RASA3: variants seen among roughly 807,000 people sequenced by gnomAD.
RASA3 encodes the protein RAS p21 protein activator 3.
RASA3 carries 73 observed loss-of-function variants against 110.0 expected under a neutral mutation model. The observed-to-expected ratio is 0.66, with a 90% CI of 0.55 to 0.81. RASA3 has a LOEUF of 0.81. Ranked by LOEUF, RASA3 falls within the 30% of genes least tolerant of loss-of-function variation. RASA3 has a pLI of 0.00. For missense variants in RASA3, 976 were observed against 1,113.2 expected (o/e 0.88, Z 1.75); for synonymous variants, 500 against 451.4 (o/e 1.11, Z -1.37).
rs528276358 is a variant in RASA3 at position 113,979,763 on chromosome 13, A to C, written c.2430-341T>G. The stretch of plus-strand genomic sequence containing the variant: ...GCAAAGAGTGTGCTCATGTGTGGGG[A>C]GCATGAGCTCCAGGGACACAGATCT... On this transcript the variant is annotated intron_variant, in intron 23 of 23. Coordinates refer to ENST00000334062, the MANE Select transcript of RASA3 (RefSeq NM_007368.4). Among the ~76,000 whole-genome samples the C allele has an allele frequency of 2.6e-5, 4 of 152,210 alleles. No individual in the cohort carries two copies. In the East Asian group the frequency reaches 7.7e-4, roughly 29 times the overall value.
intron 1 of RASA3, among the ~76,000 whole-genome samples, chr13:114,121,236 G>A: frequency 6.6e-6 from 1 of 152,222 alleles, no homozygotes; most frequent in East Asian, 1.9e-4. Context: ...GGGGCATTCG[G>A]ACCCCCGTGC....
intron 1 of RASA3, among the ~76,000 whole-genome samples, chr13:114,089,927 TTCACTGAACG>T (rs2079870435): frequency 6.6e-6 from 1 of 152,068 alleles, no homozygotes; most frequent in Non-Finnish European, 1.5e-5. Context: ...CCTGGCTGCT[TTCACTGAACG>T]TCCTGTCTTC....
chr13:114,021,226 T>C (rs1242262737), intron 9 of RASA3, among the ~76,000 whole-genome samples, 178 bp downstream of exon 9: 2 of 152,172 alleles, frequency 1.3e-5, no homozygotes, highest in African/African-American at 4.8e-5. Flanking sequence ...TCACCTGCTG[T>C]GGGGCAGAAA....
chr13:114,017,274 T>C lies in RASA3; in HGVS notation c.1169A>G (p.His390Arg), dbSNP rs759066727. 4.3e-6 allele frequency: 7 copies of C among 1,613,816 alleles called. No individual in the cohort carries two copies. Among genetic ancestry groups the C allele is most frequent in the South Asian group, 1.1e-5 (1 of 91,084 alleles). Reference sequence around the variant, plus strand: ...GGGCTTCAGGGTGACATGCAGGTAATGCATCCCCGCCAGCTTCATGGTCTC... The same window carrying C: ...GGGCTTCAGGGTGACATGCAGGTAACGCATCCCCGCCAGCTTCATGGTCTC... ...IDETMKLAGM[H>R]YLHVTLKPAI... Residue 390 changes from histidine to arginine, a missense_variant, in exon 12 of 24, where the codon CAT (histidine) becomes CGT (arginine). By Grantham distance (29) the His-to-Arg change is conservative. This residue lies in a region of RASA3 where 732 missense variants were observed against 779.7 expected (regional missense o/e 0.94). Transcript: ENST00000334062.
In RASA3 at chr13:113,980,427, C is replaced by CCCA. The variant is rs200568319; in HGVS notation, c.2430-1006_2430-1005insTGG. ...ACCTCCTCCCACGTGTTCACCTCCTCCGTGTGTGCACCTCCTGCCATGTGT... is the reference window on the plus strand; with the variant it reads ...ACCTCCTCCCACGTGTTCACCTCCTCCCACGTGTGTGCACCTCCTGCCATGTGT... On this transcript the variant is annotated intron_variant, in intron 23 of 23. Coordinates refer to ENST00000334062, the MANE Select transcript of RASA3 (RefSeq NM_007368.4). 2.1e-3 allele frequency among the ~76,000 whole-genome samples: 307 copies of CCCA among 144,374 alleles called. 4 individuals are homozygous for CCCA. In the South Asian group the frequency reaches 0.04, roughly 19 times the overall value. 94.7% of individuals were successfully genotyped at this position (144,374 alleles called of 152,430 possible). A position where few individuals can be genotyped will look rare whatever the true frequency, so the allele number is the denominator to read the frequency against.
chr13:114,029,631 GT>G (rs34468499), intron 5 of RASA3, among the ~76,000 whole-genome samples, 179 bp downstream of exon 5: 296 of 14,944 alleles, frequency 0.02, 116 homozygotes, highest in Middle Eastern at 0.25. Flanking sequence ...CGTCATCCTG[GT>G]GGGCCAGGAC....
intron 1 of RASA3, among the ~76,000 whole-genome samples, chr13:114,109,686 G>A (rs1171300120): frequency 6.6e-6 from 1 of 152,134 alleles, no homozygotes; most frequent in Non-Finnish European, 1.5e-5. Context: ...TCCTCCTTCT[G>A]CTCCATCCCG....
chr13:114,074,216 C>T (rs1335286447), intron 1 of RASA3, among the ~76,000 whole-genome samples: 6 of 152,338 alleles, frequency 3.9e-5, no homozygotes, highest in Admixed American at 6.5e-5. Flanking sequence ...CCATCACCAC[C>T]GTCCTCTCTG....
Position 114,007,669 on chromosome 13 carries a change from G to A in RASA3, c.1669-63C>T, listed in dbSNP as rs2053547005. ...ACACATCTGACGTGCACGGCTCTCT[G>A]TATAACAACAGCGTCGGCGGCTACT... is the stretch of plus-strand genomic sequence containing the variant. On this transcript the variant is annotated intron_variant, in intron 17 of 23. Coordinates refer to ENST00000334062, the MANE Select transcript of RASA3 (RefSeq NM_007368.4). 2.9e-6 allele frequency: 4 copies of A among 1,365,354 alleles called. No homozygotes were observed. In the African/African-American group the frequency reaches 4.3e-5, roughly 15 times the overall value. The allele number at this position is 1,365,354 out of a possible 1,614,324, so 84.6% of individuals were successfully genotyped here.
In RASA3 at chr13:114,018,906, G is replaced by A; in HGVS notation, c.799C>T (p.Pro267Ser). 1 of 1,613,800 alleles carries A rather than the reference G, an allele frequency of 6.2e-7. No individual in the cohort carries two copies. The highest frequency in any genetic ancestry group is 2.2e-5 in the East Asian group (1 of 44,884). ...AGGCTCTTGCTACCATTGTCCCGGG[G>A]CTGGAGGAAGTACCTGGGTGGGAGG... ...SSYEAWYFLQPRDNGSKSLKP... is the reference protein window; with the variant it reads ...SSYEAWYFLQSRDNGSKSLKP... The change falls in exon 10 of 24, where the codon CCC (proline) becomes TCC (serine). Residue 267 changes from proline (P) to serine (S), a missense_variant. Pro to Ser is a moderately conservative substitution (Grantham distance 74). Coordinates refer to ENST00000334062, the MANE Select transcript of RASA3 (RefSeq NM_007368.4).
At chr13:114,090,605 T>C (rs916167742) in intron 1 of RASA3, among the ~76,000 whole-genome samples, 2 of 152,140 alleles carry the variant, frequency 1.3e-5, no homozygotes, top group African/African-American at 4.8e-5. Context: ...TGGGTTCACA[T>C]TGCCCACACT....
intron 1 of RASA3, among the ~76,000 whole-genome samples, chr13:114,124,620 C>T (rs1215216234): frequency 6.6e-6 from 1 of 152,216 alleles, no homozygotes; most frequent in Admixed American, 6.5e-5. Flanking sequence ...CCAGAGCCTC[C>T]CAGACACAAA....
At chr13:114,023,375 G>A (rs2053967127) in intron 8 of RASA3, among the ~76,000 whole-genome samples, 1 of 152,128 alleles carries the variant, frequency 6.6e-6, no homozygotes, top group African/African-American at 2.4e-5. Context: ...CGGGGTCTCA[G>A]GGCCGGCTGG....
intron 3 of RASA3, 50 bp from the exon 4 acceptor site, chr13:114,041,144 A>G (rs2139466474): frequency 1.3e-6 from 2 of 1,518,960 alleles, no homozygotes; most frequent in East Asian, 2.2e-5. Context: ...CCCCAGAGCC[A>G]GGACGCCTGT....
chr13:114,066,640 T>C (rs1225297691), intron 2 of RASA3, among the ~76,000 whole-genome samples: 3 of 152,174 alleles, frequency 2.0e-5, no homozygotes, highest in Non-Finnish European at 4.4e-5. Flanking sequence ...ACTCACAGAA[T>C]ACGAGCAACC....
intron 23 of RASA3, 32 bp from the exon 24 acceptor site, chr13:113,979,454 A>C (rs1180892010): frequency 6.5e-7 from 1 of 1,528,938 alleles, no homozygotes; most frequent in South Asian, 1.1e-5. Flanking sequence ...GGAATGAGGC[A>C]CAGACCCCGT....
In RASA3 at chr13:113,995,818, C is replaced by T. The variant is rs183332234; in HGVS notation, c.2141+713G>A. 6.2e-3 allele frequency among the ~76,000 whole-genome samples: 61 copies of T among 9,894 alleles called. 7 individuals are homozygous for T. In the African/African-American group the frequency reaches 0.064, roughly 10 times the overall value. 6.5% of individuals were successfully genotyped at this position (9,894 alleles called of 152,430 possible). A position where few individuals can be genotyped will look rare whatever the true frequency, so the allele number is the denominator to read the frequency against. On this transcript the variant is annotated intron_variant, in intron 21 of 23. Transcript: ENST00000334062. ...GTCCGGCTGATGGGGGTCCGGCTGACGGGGGGCCCGGCTGACGGGGGGCCC... is the reference window on the plus strand; with the variant it reads ...GTCCGGCTGATGGGGGTCCGGCTGATGGGGGGCCCGGCTGACGGGGGGCCC...
chr13:114,068,926 C>A lies in RASA3; in HGVS notation c.173+4794G>T, dbSNP rs527760433. On this transcript the variant is annotated intron_variant, in intron 2 of 23. Transcript: ENST00000334062. The stretch of plus-strand genomic sequence containing the variant: ...GAAGTTAAACCTGTGACAGACACTG[C>A]CCTTCAACCTCCACCTTGAAAAATA... Among the ~76,000 whole-genome samples the A allele has an allele frequency of 7.9e-5, 12 of 152,310 alleles. No individual in the cohort carries two copies. The South Asian group carries it at 2.5e-3, about 32-fold the overall frequency.
At chr13:114,001,058 C>G (rs979453475) in intron 18 of RASA3, 126 bp from the exon 19 acceptor site, 7 of 670,520 alleles carry the variant, frequency 1.0e-5, no homozygotes, top group African/African-American at 1.8e-5. Context: ...AATATCTTAT[C>G]ATTTTACTCC....
Sources: gnomAD v4.1 joint callset for allele counts (sites outside exome capture counted in the v4.1 genomes callset) on GRCh38, gnomAD v4.1.1 for gene constraint, gnomAD v4.1.1 regional missense constraint, MANE v1.5 for transcripts, NCBI Gene and HGNC (gene_info 2026-07-23, HGNC 2026-07-21) for gene names.